C2CD3: variants seen among roughly 807,000 people sequenced by gnomAD.
The protein encoded by C2CD3 is C2 domain containing 3 centriole elongation regulator.
In C2CD3, 148 loss-of-function variants were observed where a neutral mutation model predicts 234.0. That is an observed-to-expected ratio of 0.63 (90% CI 0.55 to 0.72). The LOEUF (loss-of-function observed/expected upper bound fraction) is 0.72, where lower values mean the gene tolerates loss of function less well. C2CD3 is among the 30% of genes least tolerant of loss of function. The pLI is 0.00. For missense variants in C2CD3, 2,577 were observed against 2,811.5 expected, an observed-to-expected ratio of 0.92 and a Z score of 1.89; for synonymous variants, 1,000 against 1,035.4, an observed-to-expected ratio of 0.97 and a Z score of 0.66.
At chr11:74,166,319 A>AAAAAAAAAAAAAAAAAC (rs1856806022) in intron 2 of C2CD3, among the ~76,000 whole-genome samples, 2 of 147,888 alleles carry the variant, frequency 1.4e-5, no homozygotes, top group Admixed American at 1.3e-4. Context: ...TCCGTCTTAA[A>AAAAAAAAAAAAAAAAAC]AAAAAAAAAA....
chr11:74,082,609 C>G (rs905390813), intron 22 of C2CD3, among the ~76,000 whole-genome samples: 5 of 152,040 alleles, frequency 3.3e-5, no homozygotes, highest in African/African-American at 1.2e-4. Flanking sequence ...ATATGTTGAA[C>G]CAGCCTTGCA....
chr11:74,113,986 G>A, intron 10 of C2CD3, 94 bp from the exon 11 acceptor site: 1 of 755,884 alleles, frequency 1.3e-6, no homozygotes, highest in African/African-American at 1.8e-5. Flanking sequence ...CTTACTTTCA[G>A]GACCTCTAGT....
At chr11:74,078,048 T>C (rs1027094151) in intron 23 of C2CD3, 67 bp downstream of exon 23, 3 of 1,524,514 alleles carry the variant, frequency 2.0e-6, no homozygotes, top group African/African-American at 2.8e-5. Flanking sequence ...TGACAGAGTG[T>C]CTCACCTAGT....
intron 2 of C2CD3, 141 bp from the exon 3 acceptor site, chr11:74,161,697 G>C: frequency 2.2e-6 from 1 of 446,504 alleles, no homozygotes; most frequent in Non-Finnish European, 3.9e-6. Context: ...TTGCATTGGT[G>C]AAAGTGAGGG....
At position 74,013,183 on chromosome 11, in the gene C2CD3, C is replaced by G. The variant is rs113564544; in HGVS notation, c.*202G>C. 2.2e-5 allele frequency: 8 copies of G among 362,216 alleles called. No homozygotes were observed. The South Asian group carries it at 8.9e-4, about 40-fold the overall frequency. The allele number at this position is 362,216 out of a possible 1,614,324, so 22.4% of individuals were successfully genotyped here. Reference sequence around the variant, plus strand: ...ACCACAGAAAAAAGGAGCTGAAATTCTGGCAAGTGGACACTGGACTGGTTT... The same window carrying G: ...ACCACAGAAAAAAGGAGCTGAAATTGTGGCAAGTGGACACTGGACTGGTTT... On this transcript the variant is annotated 3_prime_UTR_variant, in exon 33 of 33. Transcript: ENST00000334126.
chr11:74,043,247 T>C (rs1953161842), intron 28 of C2CD3, among the ~76,000 whole-genome samples: 1 of 152,206 alleles, frequency 6.6e-6, no homozygotes, highest in African/African-American at 2.4e-5. Flanking sequence ...ATAATATGTG[T>C]TTTTTGGTGA....
chr11:74,112,566 G>A (rs1005171507), intron 11 of C2CD3, among the ~76,000 whole-genome samples: 5 of 152,008 alleles, frequency 3.3e-5, no homozygotes, highest in African/African-American at 1.2e-4. Flanking sequence ...TCTGATAAGG[G>A]GCTTGTATCT....
In C2CD3 at chr11:74,089,182, G is replaced by C. The variant is rs1371526160; in HGVS notation, c.3641+1631C>G. The stretch of plus-strand genomic sequence containing the variant: ...GGGAAATCATCAAGTTTTAATGTAA[G>C]GAAGTGGTATGATTATAAAACTGCT... On this transcript the variant is annotated intron_variant, in intron 20 of 32. Transcript: ENST00000334126. 2.6e-5 allele frequency among the ~76,000 whole-genome samples: 4 copies of C among 152,124 alleles called. No homozygotes were observed. The East Asian group carries it at 5.8e-4, about 22-fold the overall frequency.
chr11:74,133,285 A>G, intron 6 of C2CD3, 140 bp downstream of exon 6: 1 of 753,114 alleles, frequency 1.3e-6, no homozygotes, highest in Non-Finnish European at 2.2e-6. Context: ...CTTAACTCCT[A>G]GTGTAGGCTT....
chr11:74,128,284 A>G (rs1423007221), intron 7 of C2CD3, among the ~76,000 whole-genome samples: 2 of 152,174 alleles, frequency 1.3e-5, no homozygotes, highest in East Asian at 1.9e-4. Context: ...TGTTCTATAT[A>G]TAAGTCCTGT....
intron 22 of C2CD3, among the ~76,000 whole-genome samples, chr11:74,083,240 T>C (rs1198944078): frequency 1.3e-5 from 2 of 152,210 alleles, no homozygotes; most frequent in Admixed American, 6.5e-5. Context: ...GCTAGCCATA[T>C]GTAGAAAGCT....
At chr11:74,039,983 CT>C (rs569103403) in intron 29 of C2CD3, among the ~76,000 whole-genome samples, 159 of 152,324 alleles carry the variant, frequency 1.0e-3, no homozygotes, top group African/African-American at 3.6e-3. Flanking sequence ...CATATTACTT[CT>C]TCGTAAAATA....
intron 29 of C2CD3, among the ~76,000 whole-genome samples, chr11:74,039,868 T>C (rs947408980): frequency 1.2e-4 from 19 of 152,174 alleles, no homozygotes; most frequent in African/African-American, 4.1e-4. Context: ...GGGTTCCAAA[T>C]AGGTTATGTG....
intron 13 of C2CD3, among the ~76,000 whole-genome samples, chr11:74,104,867 T>A (rs1956450478): frequency 6.6e-6 from 1 of 152,064 alleles, no homozygotes; most frequent in Non-Finnish European, 1.5e-5. Context: ...ACAGAAAAAA[T>A]TTCTAGTTGA....
At chr11:74,049,979 C>T (rs1419736006) in intron 26 of C2CD3, among the ~76,000 whole-genome samples, 3 of 151,620 alleles carry the variant, frequency 2.0e-5, no homozygotes, top group Non-Finnish European at 4.4e-5. Context: ...TGGGGTCTTA[C>T]TATGTTGCCT....
rs1229524687 is a variant in C2CD3 at position 74,115,158 on chromosome 11, G to A, written c.1521-565C>T. ...GGGTAATTTGAATCTATGCTCCCAG[G>A]TAAAAAAAAAATTTAAAAATACTAT... is the stretch of plus-strand genomic sequence containing the variant. On this transcript the variant is annotated intron_variant, in intron 9 of 32. Coordinates refer to ENST00000334126, the MANE Select transcript of C2CD3 (RefSeq NM_001286577.2). Among the ~76,000 whole-genome samples the A allele has an allele frequency of 4.0e-5, 6 of 149,638 alleles. 1 individual carries two copies. The highest frequency in any genetic ancestry group is 3.3e-4 in the Admixed American group (5 of 14,992).
intron 32 of C2CD3, among the ~76,000 whole-genome samples, chr11:74,023,272 G>A (rs146009125): frequency 2.6e-5 from 4 of 152,234 alleles, no homozygotes; most frequent in Admixed American, 1.3e-4. Context: ...GCCCTGACCC[G>A]GAAGCAGATC....
intron 3 of C2CD3, among the ~76,000 whole-genome samples, chr11:74,144,528 G>A (rs574212081): frequency 6.6e-5 from 10 of 152,160 alleles, no homozygotes; most frequent in Admixed American, 3.9e-4. Flanking sequence ...GGGGTCTGGT[G>A]TACAGATTAT....
chr11:74,150,970 T>A (rs1449315040), intron 3 of C2CD3, among the ~76,000 whole-genome samples: 1 of 152,098 alleles, frequency 6.6e-6, no homozygotes, highest in Non-Finnish European at 1.5e-5. Context: ...TCACCCAGGC[T>A]GGAGTAGTGC....
Sources: allele counts gnomAD v4.1 joint callset (sites outside exome capture counted in the v4.1 genomes callset), GRCh38; gene constraint gnomAD v4.1.1; transcripts MANE v1.5; gene names NCBI Gene and HGNC (gene_info 2026-07-23, HGNC 2026-07-21).